The following C9 variants were observed in gnomAD, a reference collection of about 807,000 sequenced individuals.
C9 encodes the protein complement C9.
In C9, 63 loss-of-function variants were observed where a neutral mutation model predicts 65.4. The ratio of observed to expected loss-of-function variants is 0.96; its 90% CI spans 0.79 to 1.19. C9 has a LOEUF of 1.19. Among genes scored for constraint, C9 ranks in the 50% most tolerant of loss-of-function variants. The pLI, the probability that C9 is intolerant of heterozygous loss-of-function variation, is 0.00. For missense variants in C9, 744 were observed against 670.1 expected (o/e 1.11, Z -1.22); for synonymous variants, 229 against 227.9 (o/e 1.00, Z -0.04).
At chr5:39,286,734 G>A (rs926084119) in intron 10 of C9, among the ~76,000 whole-genome samples, 1 of 151,588 alleles carries the variant, frequency 6.6e-6, no homozygotes, top group African/African-American at 2.4e-5. Flanking sequence ...TTTTTGGAAC[G>A]CAAAGCACTA....
At position 39,342,310 on chromosome 5, in the gene C9, A is replaced by T. The variant is rs1754102067; in HGVS notation, c.78-114T>A. ...TATCCCCTCTCAAATTATACCACTT[A>T]TCTTTTTACTATATCTCTCATTTCA... On this transcript the variant is annotated intron_variant, in intron 1 of 10. Transcript: ENST00000263408. 1.1e-4 allele frequency: 70 copies of T among 654,886 alleles called. No individual in the cohort carries two copies. In the South Asian group the frequency reaches 1.1e-3, roughly 11 times the overall value. 40.6% of individuals were successfully genotyped at this position (654,886 alleles called of 1,614,324 possible).
intron 1 of C9, among the ~76,000 whole-genome samples, chr5:39,359,102 G>GTGTATATA (rs1407613505): frequency 1.9e-5 from 2 of 103,662 alleles, no homozygotes; most frequent in African/African-American, 3.8e-5. Flanking sequence ...GTGTGTGTGT[G>GTGTATATA]TATATATATA....
intron 2 of C9, among the ~76,000 whole-genome samples, 183 bp from the exon 3 acceptor site, chr5:39,341,883 C>T (rs946225941): frequency 2.0e-5 from 3 of 152,216 alleles, no homozygotes; most frequent in East Asian, 1.9e-4. Flanking sequence ...GCCTCTTATA[C>T]AGATGATTCC....
At chr5:39,292,540 T>TA in intron 9 of C9, among the ~76,000 whole-genome samples, 1 of 151,922 alleles carries the variant, frequency 6.6e-6, no homozygotes, top group East Asian at 1.9e-4. Context: ...TGGACCTACA[T>TA]AAAGTAATCA....
intron 5 of C9, among the ~76,000 whole-genome samples, chr5:39,318,339 T>C (rs1411045141): frequency 6.6e-6 from 1 of 152,206 alleles, no homozygotes; most frequent in Non-Finnish European, 1.5e-5. Flanking sequence ...CGTATTTGAA[T>C]ACCCTTTATT....
intron 5 of C9, among the ~76,000 whole-genome samples, chr5:39,320,425 T>C (rs1481276841): frequency 6.6e-6 from 1 of 152,028 alleles, no homozygotes; most frequent in Non-Finnish European, 1.5e-5. Context: ...GCAGATTCTA[T>C]CACACAGAAG....
At chr5:39,295,158 G>A (rs1753161249) in intron 9 of C9, among the ~76,000 whole-genome samples, 1 of 151,640 alleles carries the variant, frequency 6.6e-6, no homozygotes, top group Non-Finnish European at 1.5e-5. Flanking sequence ...AAACAAAGAT[G>A]CCCACTCTCA....
chr5:39,349,205 G>A (rs1754272726), intron 1 of C9, among the ~76,000 whole-genome samples: 1 of 148,636 alleles, frequency 6.7e-6, no homozygotes, highest in African/African-American at 2.5e-5. Context: ...ACACAGAAAA[G>A]ACTAGGTGAT....
At chr5:39,356,255 G>A (rs994109154) in intron 1 of C9, among the ~76,000 whole-genome samples, 1 of 152,154 alleles carries the variant, frequency 6.6e-6, no homozygotes, top group Non-Finnish European at 1.5e-5. Flanking sequence ...TGAACAGTTA[G>A]TAGAAAACTG....
intron 9 of C9, among the ~76,000 whole-genome samples, chr5:39,304,780 T>G (rs1342164752): frequency 6.6e-6 from 1 of 152,132 alleles, no homozygotes; most frequent in South Asian, 2.1e-4. Flanking sequence ...ACCTGAAAAT[T>G]TGGGGAAGTA....
At chr5:39,326,805 A>G (rs1373944971) in intron 5 of C9, among the ~76,000 whole-genome samples, 1 of 152,238 alleles carries the variant, frequency 6.6e-6, no homozygotes, top group Non-Finnish European at 1.5e-5. Context: ...AGTTGTCAGT[A>G]GAAAGAATAG....
intron 4 of C9, among the ~76,000 whole-genome samples, chr5:39,337,056 GAAGT>G (rs1325863231): frequency 1.3e-5 from 2 of 152,018 alleles, no homozygotes; most frequent in African/African-American, 2.4e-5. Flanking sequence ...TAAAAAGTAA[GAAGT>G]AAGTGATTGT....
rs771555393 is a variant in C9, at chr5:39,364,388, C to T, written c.77G>A (p.Ser26Asn). 3 of 1,570,788 alleles carry T rather than the reference C, an allele frequency of 1.9e-6. No individual in the cohort carries two copies. The highest frequency in any genetic ancestry group is 8.8e-7 in the Non-Finnish European group (1 of 1,140,440). Residue 26 changes from serine (S) to asparagine (N), a missense_variant and splice_region_variant, in exon 1 of 11, where the codon AGT becomes AAT. Coordinates refer to ENST00000263408, the MANE Select transcript of C9 (RefSeq NM_001737.5). The part of the protein sequence containing the change: ...ISILTAQYTT[S>N]YDPELTESSG... ...ACAAGCAGAAAAGTAACTGACTCAC[C>T]TGGTCGTGTACTGTGCTGTGAGGAT...
At chr5:39,333,432 T>G (rs1396748031) in intron 4 of C9, among the ~76,000 whole-genome samples, 1 of 152,176 alleles carries the variant, frequency 6.6e-6, no homozygotes, top group Non-Finnish European at 1.5e-5. Context: ...TTCTAATGGG[T>G]AGCTGCTGCC....
At position 39,311,167 on chromosome 5, in the gene C9, C is replaced by G; in HGVS notation, c.1081G>C (p.Val361Leu). 1 of 1,613,408 alleles carries G rather than the reference C, an allele frequency of 6.2e-7. No individual in the cohort carries two copies. The highest frequency in any genetic ancestry group is 8.5e-7 in the Non-Finnish European group (1 of 1,179,422). The change falls in exon 7 of 11, where the codon GTT becomes CTT. Residue 361 changes from valine to leucine, a missense_variant. Transcript: ENST00000263408. Reference sequence around the variant, plus strand: ...CGCTTCATGGAAGCTTTATCCAAAACATATATTAGTTCATAGAGTCCTCCT... The same window carrying G: ...CGCTTCATGGAAGCTTTATCCAAAAGATATATTAGTTCATAGAGTCCTCCT... Reference protein sequence around the residue: ...SLGGLYELIYVLDKASMKRKG... With the variant: ...SLGGLYELIYLLDKASMKRKG...
chr5:39,319,697 C>A (rs1217898308), intron 5 of C9, among the ~76,000 whole-genome samples: 1 of 152,146 alleles, frequency 6.6e-6, no homozygotes, highest in African/African-American at 2.4e-5. Context: ...GCCTCTAGGG[C>A]CATCCCAGTG....
chr5:39,319,873 C>T (rs990099213), intron 5 of C9, among the ~76,000 whole-genome samples: 3 of 152,146 alleles, frequency 2.0e-5, no homozygotes, highest in Non-Finnish European at 2.9e-5. Context: ...AGGCACCAGG[C>T]TCATTCCAGC....
rs770855554 is a variant in C9 at position 39,341,587 on chromosome 5, A to G, written c.297T>C (p.Asp99=). 1 of 1,614,122 alleles carries G rather than the reference A, an allele frequency of 6.2e-7. No homozygotes were observed. Among genetic ancestry groups the G allele is most frequent in the East Asian group, 2.2e-5 (1 of 44,880 alleles). Reference sequence around the variant, plus strand: ...TGCATTGAAAGTCATTTCCGCAGTCATCCTCAGCATCCTCACAGGGCTCTG... The same window carrying G: ...TGCATTGAAAGTCATTTCCGCAGTCGTCCTCAGCATCCTCACAGGGCTCTG... The part of the protein sequence containing the change: ...VPTEPCEDAE[D]DCGNDFQCST... The change falls in exon 3 of 11, where the codon GAT becomes GAC. Residue 99 remains aspartate (D), a synonymous_variant. Transcript: ENST00000263408.
rs564514492 is a variant in C9 at position 39,348,825 on chromosome 5, A to G, written c.78-6629T>C. 4.6e-4 allele frequency among the ~76,000 whole-genome samples: 70 copies of G among 152,318 alleles called. 1 individual carries two copies. The highest frequency in any genetic ancestry group is 1.4e-3 in the African/African-American group (58 of 41,568). On this transcript the variant is annotated intron_variant, in intron 1 of 10. Transcript: ENST00000263408. ...AGAATATATGGCACATATACACCAT[A>G]GAATACTATGCAGCCATAAAAAAGG...
Sources: gnomAD v4.1 joint callset for allele counts (sites outside exome capture counted in the v4.1 genomes callset) on GRCh38, gnomAD v4.1.1 for gene constraint, MANE v1.5 for transcripts, NCBI Gene and HGNC (gene_info 2026-07-23, HGNC 2026-07-21) for gene names.